Variants in ORC5 observed in about 807,000 individuals in gnomAD.
ORC5 encodes origin recognition complex subunit 5, also known as protein phosphatase 1, regulatory subunit 117.
A neutral mutation model predicts 58.8 loss-of-function variants in ORC5; 39 were observed. That is an observed-to-expected ratio of 0.66 (90% CI 0.51 to 0.87). The LOEUF (loss-of-function observed/expected upper bound fraction) is 0.87, where lower values mean the gene tolerates loss of function less well. ORC5 is among the 40% of genes least tolerant of loss of function. The pLI, the probability that ORC5 is intolerant of heterozygous loss-of-function variation, is 0.00. For missense variants in ORC5, 493 were observed against 506.3 expected (o/e 0.97, Z 0.25); for synonymous variants, 218 against 177.6 (o/e 1.23, Z -1.81).
At chr7:104,178,496 C>T (rs1584507139) in intron 8 of ORC5, among the ~76,000 whole-genome samples, 1 of 152,000 alleles carries the variant, frequency 6.6e-6, no homozygotes, top group East Asian at 1.9e-4. Context: ...AAAATTTTCT[C>T]CCATTCCATA....
chr7:104,207,085 G>A (rs1800106665), intron 1 of ORC5, among the ~76,000 whole-genome samples: 2 of 152,204 alleles, frequency 1.3e-5, no homozygotes, highest in South Asian at 4.1e-4. Flanking sequence ...GTATGACCCT[G>A]AATTCTCATT....
chr7:104,181,650 G>A (rs1453164389), intron 8 of ORC5, among the ~76,000 whole-genome samples: 1 of 152,082 alleles, frequency 6.6e-6, no homozygotes, highest in Non-Finnish European at 1.5e-5. Flanking sequence ...AATTTAGCCA[G>A]GTGTGGTGGT....
At chr7:104,165,182 T>C (rs1422302451) in intron 11 of ORC5, 53 bp downstream of exon 11, 10 of 880,612 alleles carry the variant, frequency 1.1e-5, no homozygotes, top group South Asian at 7.8e-5. Context: ...ATCTATTTCC[T>C]ATATTATCTT....
chr7:104,159,603 T>C (rs1412315225), intron 12 of ORC5, among the ~76,000 whole-genome samples: 6 of 133,216 alleles, frequency 4.5e-5, no homozygotes, highest in Middle Eastern at 3.9e-3. Flanking sequence ...AAACATGTAC[T>C]ATCCTTCACT....
At chr7:104,187,432 TAATA>T (rs1799572700) in intron 6 of ORC5, 1 of 152,172 alleles carries the variant, frequency 6.6e-6, no homozygotes, top group Non-Finnish European at 1.5e-5. Context: ...TGAAACTAAG[TAATA>T]CTTTTCAGGG....
intron 1 of ORC5, among the ~76,000 whole-genome samples, chr7:104,205,983 G>A (rs2116126189): frequency 6.6e-6 from 1 of 152,288 alleles, no homozygotes; most frequent in Non-Finnish European, 1.5e-5. Flanking sequence ...ACTCCAGCCT[G>A]GGAAAGAAAG....
At chr7:104,127,646 T>G (rs1798449761) in intron 13 of ORC5, among the ~76,000 whole-genome samples, 1 of 152,240 alleles carries the variant, frequency 6.6e-6, no homozygotes, top group Non-Finnish European at 1.5e-5. Context: ...GCAAAAATAA[T>G]CATCCATGTG....
chr7:104,165,718 G>T, intron 10 of ORC5: 1 of 161,666 alleles, frequency 6.2e-6, no homozygotes, highest in Non-Finnish European at 1.3e-5. Flanking sequence ...ATTTTAGTTA[G>T]GCACTCAGGA....
rs774719056 is a variant in ORC5, at chr7:104,137,866, G to A, written c.1150-973C>T. Among the ~76,000 whole-genome samples, 6 of 152,194 alleles carry A rather than the reference G, an allele frequency of 3.9e-5. No homozygotes were observed. The East Asian group carries it at 5.8e-4, about 15-fold the overall frequency. ...AAGCCCACATTTGATCGGATTTTTC[G>A]GTACAGCAAGGCAAGAACTAAGGAT... On this transcript the variant is annotated intron_variant, in intron 12 of 13. Transcript: ENST00000297431.
intron 11 of ORC5, among the ~76,000 whole-genome samples, chr7:104,163,317 T>G (rs1212017317): frequency 1.3e-5 from 2 of 152,194 alleles, no homozygotes; most frequent in Non-Finnish European, 2.9e-5. Flanking sequence ...TGTAAACTAC[T>G]TGCAAGCCTA....
At chr7:104,168,182 A>T (rs1799139775) in intron 9 of ORC5, 1 of 725,494 alleles carries the variant, frequency 1.4e-6, no homozygotes, top group Non-Finnish European at 1.8e-6. Context: ...ACTGTCACAT[A>T]ATTAGATTGC....
At chr7:104,130,997 A>G (rs1798504459) in intron 13 of ORC5, among the ~76,000 whole-genome samples, 1 of 152,224 alleles carries the variant, frequency 6.6e-6, no homozygotes, top group Non-Finnish European at 1.5e-5. Context: ...GATTTCGATT[A>G]TAATTCTTTG....
chr7:104,159,437 C>A (rs1287805698), intron 12 of ORC5, among the ~76,000 whole-genome samples: 1 of 148,214 alleles, frequency 6.7e-6, no homozygotes, highest in African/African-American at 2.5e-5. Flanking sequence ...TGTAACTAAC[C>A]TGCACATTGT....
At chr7:104,167,236 T>A (rs1799122997) in intron 9 of ORC5, among the ~76,000 whole-genome samples, 2 of 152,184 alleles carry the variant, frequency 1.3e-5, no homozygotes, top group Admixed American at 6.5e-5. Context: ...TATTCCCACA[T>A]AACGTGATGC....
intron 12 of ORC5, among the ~76,000 whole-genome samples, chr7:104,159,115 G>T (rs1798979674): frequency 6.6e-6 from 1 of 150,612 alleles, no homozygotes; most frequent in South Asian, 2.1e-4. Flanking sequence ...AAGAAAATGT[G>T]GCACATATAC....
At chr7:104,204,888 C>T (rs1362346739) in intron 1 of ORC5, among the ~76,000 whole-genome samples, 2 of 152,108 alleles carry the variant, frequency 1.3e-5, no homozygotes, top group African/African-American at 2.4e-5. Flanking sequence ...TGTCAAAGGT[C>T]TCTCTGGTCT....
In ORC5 at chr7:104,133,414, T is replaced by G. The variant is rs1798544074; in HGVS notation, c.1262+3367A>C. On this transcript the variant is annotated intron_variant, in intron 13 of 13. Coordinates refer to ENST00000297431, the MANE Select transcript of ORC5 (RefSeq NM_002553.4). The surrounding 1 kb of genome is among the most constrained non-coding windows in gnomAD (Gnocchi z 4.7). ...GGGAGAGAGAGATGTCAAGAAGGAC[T>G]CAAATTTCAGGCCTGGGTAACACAG... Among the ~76,000 whole-genome samples, 1 of 152,128 alleles carries G rather than the reference T, an allele frequency of 6.6e-6. No individual in the cohort carries two copies. Among genetic ancestry groups the G allele is most frequent in the African/African-American group, 2.4e-5 (1 of 41,402 alleles).
intron 8 of ORC5, among the ~76,000 whole-genome samples, chr7:104,174,431 T>A (rs542475591): frequency 1.3e-5 from 2 of 152,218 alleles, no homozygotes; most frequent in Non-Finnish European, 2.9e-5. Flanking sequence ...TCTAAAGGCA[T>A]GCCAAAACAA....
intron 12 of ORC5, among the ~76,000 whole-genome samples, chr7:104,159,363 A>G (rs1798985947): frequency 7.0e-6 from 1 of 141,870 alleles, no homozygotes; most frequent in Non-Finnish European, 1.5e-5. Flanking sequence ...GCATTAGGAG[A>G]TATACCTAAT....
Sources: allele counts gnomAD v4.1 joint callset (sites outside exome capture counted in the v4.1 genomes callset), GRCh38; gene constraint gnomAD v4.1.1; non-coding constraint Gnocchi (gnomAD v3.1); transcripts MANE v1.5; gene names NCBI Gene and HGNC (gene_info 2026-07-23, HGNC 2026-07-21).